The following SLC30A4 variants were observed in gnomAD, a reference collection of about 807,000 sequenced individuals.
SLC30A4 encodes the protein solute carrier family 30 member 4, also known as probable proton-coupled zinc antiporter SLC30A4.
In SLC30A4, 20 loss-of-function variants were observed where a neutral mutation model predicts 41.7. That is an observed-to-expected ratio of 0.48 (90% CI 0.34 to 0.70). The LOEUF is 0.70. SLC30A4 is among the 30% of genes least tolerant of loss of function. SLC30A4 has a pLI of 0.01. For missense variants in SLC30A4, 441 were observed against 529.3 expected (o/e 0.83, Z 1.64); for synonymous variants, 181 against 195.9 (o/e 0.92, Z 0.64).
chr15:45,483,028 TCCACCTTTGCCTC>T lies in SLC30A4; in HGVS notation c.*2122_*2134del, dbSNP rs1891628138. 6.6e-6 allele frequency: 1 copy of T among 152,094 alleles called. No homozygotes were observed. Among genetic ancestry groups the T allele is most frequent in the Non-Finnish European group, 1.5e-5 (1 of 67,996 alleles). The allele number at this position is 152,094 out of a possible 1,614,324, so 9.4% of individuals were successfully genotyped here. ...TGAACTCTTGGCCTCGAGGGATACT[TCCACCTTTGCCTC>T]CCCAAATGCTGAGATTACAGGCATG... On this transcript the variant is annotated 3_prime_UTR_variant, in exon 8 of 8. Coordinates refer to ENST00000261867, the MANE Select transcript of SLC30A4 (RefSeq NM_013309.6).
At chr15:45,506,320 C>T (rs1011613283) in intron 3 of SLC30A4, among the ~76,000 whole-genome samples, 1 of 152,150 alleles carries the variant, frequency 6.6e-6, no homozygotes, top group Non-Finnish European at 1.5e-5. Flanking sequence ...CCCACCCCAC[C>T]ATGTCATCAA....
In SLC30A4 at chr15:45,488,699, T is replaced by G. The variant is rs1485081862; in HGVS notation, c.894+142A>C. The G allele has an allele frequency of 7.6e-6, 5 of 658,038 alleles. No homozygotes were observed. In the Admixed American group the frequency reaches 1.5e-4, roughly 19 times the overall value. 40.8% of individuals were successfully genotyped at this position (658,038 alleles called of 1,614,324 possible). A position where few individuals can be genotyped will look rare whatever the true frequency, so the allele number is the denominator to read the frequency against. The stretch of plus-strand genomic sequence containing the variant: ...TTGTTTACTGCTAACAAAAGAACTA[T>G]AATGATTGTCAAGTAAACTTACATC... On this transcript the variant is annotated intron_variant, in intron 5 of 7. Coordinates refer to ENST00000261867, the MANE Select transcript of SLC30A4 (RefSeq NM_013309.6).
intron 3 of SLC30A4, among the ~76,000 whole-genome samples, chr15:45,491,738 G>A (rs1344144766): frequency 6.6e-6 from 1 of 152,026 alleles, no homozygotes; most frequent in East Asian, 1.9e-4. Flanking sequence ...ACATGGTGGT[G>A]AGCACCTATG....
chr15:45,486,671 C>A lies in SLC30A4; in HGVS notation c.1075G>T (p.Asp359Tyr). 6.2e-7 allele frequency: 1 copy of A among 1,604,678 alleles called. No homozygotes were observed. The highest frequency in any genetic ancestry group is 1.7e-5 in the Admixed American group (1 of 58,518). Reference protein sequence around the residue: ...MKIEDVYSVEDLNIWSLTSGK... With the variant: ...MKIEDVYSVEYLNIWSLTSGK... ...GAAGTGAGAGACCAGATATTTAAAT[C>A]TTCGACTGAATATACATCTTCTATT... The change falls in exon 7 of 8, where the codon GAT becomes TAT. Residue 359 changes from aspartate (D) to tyrosine (Y), a missense_variant. Around this residue, in one of 3 missense-constraint regions of SLC30A4, gnomAD observed 100 missense variants for 121.0 expected, o/e 0.83. Transcript: ENST00000261867.
chr15:45,519,608 C>A (rs1892603449), intron 2 of SLC30A4: 6 of 152,146 alleles, frequency 3.9e-5, no homozygotes, highest in Admixed American at 3.9e-4. Flanking sequence ...CTACTATCAT[C>A]TCTGTATTGT....
intron 2 of SLC30A4, among the ~76,000 whole-genome samples, chr15:45,514,850 A>G (rs1481717952): frequency 2.0e-5 from 3 of 151,792 alleles, no homozygotes; most frequent in Non-Finnish European, 2.9e-5. Context: ...CCAATTATAC[A>G]TCTTTTTGCT....
intron 2 of SLC30A4, chr15:45,512,505 A>G (rs1384767497): frequency 6.6e-6 from 1 of 152,226 alleles, no homozygotes; most frequent in Non-Finnish European, 1.5e-5. Context: ...TGTAGAGACA[A>G]GAGCAGGAGA....
intron 4 of SLC30A4, among the ~76,000 whole-genome samples, chr15:45,489,499 A>C (rs905841206): frequency 6.6e-6 from 1 of 151,708 alleles, no homozygotes; most frequent in Non-Finnish European, 1.5e-5. Flanking sequence ...TTGAAAAAAG[A>C]AAGCAGCCAC....
chr15:45,494,336 A>G (rs995163262), intron 3 of SLC30A4, among the ~76,000 whole-genome samples: 25 of 152,238 alleles, frequency 1.6e-4, no homozygotes, highest in African/African-American at 5.8e-4. Context: ...TAAAAAAAAC[A>G]CAAGGGATTT....
chr15:45,512,703 T>C (rs1019935223), intron 2 of SLC30A4, among the ~76,000 whole-genome samples: 2 of 152,230 alleles, frequency 1.3e-5, no homozygotes, highest in African/African-American at 4.8e-5. Flanking sequence ...AGCATACTTA[T>C]CATTTTATAA....
At chr15:45,490,562 CTAA>C (rs1891792150) in intron 4 of SLC30A4, among the ~76,000 whole-genome samples, 163 bp downstream of exon 4, 1 of 152,144 alleles carries the variant, frequency 6.6e-6, no homozygotes, top group Admixed American at 6.5e-5. Flanking sequence ...CCTGGGCAAA[CTAA>C]TGAGGAATTT....
chr15:45,492,336 A>G (rs1247336423), intron 3 of SLC30A4, among the ~76,000 whole-genome samples: 2 of 152,168 alleles, frequency 1.3e-5, no homozygotes, highest in Non-Finnish European at 2.9e-5. Flanking sequence ...AAAAAAGGAA[A>G]AGAAGAAAAA....
At chr15:45,511,029 G>T in intron 3 of SLC30A4, 109 bp downstream of exon 3, 1 of 843,560 alleles carries the variant, frequency 1.2e-6, no homozygotes. Flanking sequence ...ATTTTCATTT[G>T]CTTTGTTCAA....
intron 6 of SLC30A4, 138 bp downstream of exon 6, chr15:45,487,389 A>C: frequency 2.2e-6 from 1 of 464,816 alleles, no homozygotes; most frequent in Non-Finnish European, 3.9e-6. Context: ...CATGTTACAT[A>C]CATGTAAGGT....
Position 45,522,339 on chromosome 15 carries a change from C to T in SLC30A4, c.16G>A (p.Ala6Thr). MAGSGAWKRLKSMLRK... is the reference protein window; with the variant it reads MAGSGTWKRLKSMLRK... ...AGCATAGATTTGAGGCGCTTCCACG[C>T]GCCAGAGCCGGCCATGGCAGAGGCT... Residue 6 changes from alanine to threonine, a missense_variant, in exon 2 of 8, where the codon GCG (alanine) becomes ACG (threonine). Physicochemically the swap from Ala to Thr is moderately conservative, Grantham distance 58. This residue lies in a region of SLC30A4 where 312 missense variants were observed against 341.9 expected (regional missense o/e 0.91). Coordinates refer to ENST00000261867, the MANE Select transcript of SLC30A4 (RefSeq NM_013309.6). The T allele has an allele frequency of 6.2e-7, 1 of 1,610,178 alleles. No individual in the cohort carries two copies. Among genetic ancestry groups the T allele is most frequent in the Non-Finnish European group, 8.5e-7 (1 of 1,178,508 alleles).
At position 45,482,501 on chromosome 15, in the gene SLC30A4, A is replaced by G. The variant is rs1452706041; in HGVS notation, c.*2662T>C. 1 of 152,206 alleles carries G rather than the reference A, an allele frequency of 6.6e-6. No homozygotes were observed. The highest frequency in any genetic ancestry group is 1.9e-4 in the East Asian group (1 of 5,204). The allele number at this position is 152,206 out of a possible 1,614,324, so 9.4% of individuals were successfully genotyped here. ...CATTTTTTAAGGAACAGGTCGATAC[A>G]AAAGCGAGATATGCCTTTATAAGAT... On this transcript the variant is annotated 3_prime_UTR_variant, in exon 8 of 8. Coordinates refer to ENST00000261867, the MANE Select transcript of SLC30A4 (RefSeq NM_013309.6).
chr15:45,513,201 C>CTT (rs539115300), intron 2 of SLC30A4, among the ~76,000 whole-genome samples: 21 of 130,146 alleles, frequency 1.6e-4, no homozygotes, highest in African/African-American at 4.8e-4. Flanking sequence ...ATTAATTAAA[C>CTT]TTTTTTTTTT....
Position 45,485,252 on chromosome 15 carries a change from A to G in SLC30A4, c.1201T>C (p.Phe401Leu), listed in dbSNP as rs1891674261. ...TGAATAGTACATCTATACATGCCAAATGTGTTCAATAATAAATGGTTTGCT... is the reference window on the plus strand; with the variant it reads ...TGAATAGTACATCTATACATGCCAAGTGTGTTCAATAATAAATGGTTTGCT... ...SKANHLLLNT[F>L]GMYRCTIQLQ... The change falls in exon 8 of 8, where the codon TTT (phenylalanine) becomes CTT (leucine). Residue 401 changes from phenylalanine to leucine, a missense_variant. Phe to Leu is a conservative substitution (Grantham distance 22). Around this residue, in one of 3 missense-constraint regions of SLC30A4, gnomAD observed 100 missense variants for 121.0 expected, o/e 0.83. Coordinates refer to ENST00000261867, the MANE Select transcript of SLC30A4 (RefSeq NM_013309.6). The G allele has an allele frequency of 1.9e-6, 3 of 1,612,142 alleles. No individual in the cohort carries two copies. The African/African-American group carries it at 4.0e-5, about 22-fold the overall frequency.
chr15:45,503,648 AAAAC>A (rs571759739), intron 3 of SLC30A4, among the ~76,000 whole-genome samples: 17 of 151,672 alleles, frequency 1.1e-4, no homozygotes, highest in African/African-American at 3.4e-4. Flanking sequence ...AAAACAAAAA[AAAAC>A]AAACAGGCTG....
Sources: allele counts gnomAD v4.1 joint callset (sites outside exome capture counted in the v4.1 genomes callset), GRCh38; gene constraint gnomAD v4.1.1; regional missense constraint gnomAD v4.1.1; transcripts MANE v1.5; gene names NCBI Gene and HGNC (gene_info 2026-07-23, HGNC 2026-07-21).